Variants in PCNX2 observed in about 807,000 individuals in gnomAD.
PCNX2 encodes the protein pecanex-like protein 2.
A neutral mutation model predicts 223.8 loss-of-function variants in PCNX2; 168 were observed. The observed-to-expected ratio is 0.75, with a 90% CI of 0.66 to 0.85. The LOEUF (loss-of-function observed/expected upper bound fraction) is 0.85. Among genes scored for constraint, PCNX2 ranks in the 40% least tolerant of loss-of-function variants. The pLI, the probability that PCNX2 is intolerant of heterozygous loss-of-function variation, is 0.00. For synonymous variants in PCNX2, 1,006 were observed against 1,052.6 expected (o/e 0.96, Z 0.86); for missense variants, 2,507 against 2,675.5 (o/e 0.94, Z 1.39).
the PCNX2 span, among the ~76,000 whole-genome samples, chr1:233,303,139 C>A: frequency 6.6e-6 from 1 of 151,960 alleles, no homozygotes; most frequent in African/African-American, 2.4e-5. Flanking sequence ...ACACAATGGA[C>A]CATATTCTTT....
chr1:232,999,394 G>C lies in PCNX2; in HGVS notation c.5329-15C>G, dbSNP rs1353786254. ...TCTTTGTTAACCTGCAGGTCAGAGA[G>C]GGAACGGGAAGAAAGGCAGAAGGCC... On this transcript the variant is annotated splice_polypyrimidine_tract_variant and intron_variant, in intron 30 of 33. Coordinates refer to ENST00000258229, the MANE Select transcript of PCNX2 (RefSeq NM_014801.4). 1.3e-6 allele frequency: 2 copies of C among 1,576,684 alleles called. No homozygotes were observed. Among genetic ancestry groups the C allele is most frequent in the African/African-American group, 2.7e-5 (2 of 73,992 alleles).
chr1:233,139,973 CG>C lies in PCNX2; in HGVS notation c.3518-119del. The C allele has an allele frequency of 2.4e-6, 3 of 1,271,778 alleles. No individual in the cohort carries two copies. In the East Asian group the frequency reaches 7.5e-5, roughly 32 times the overall value. The allele number at this position is 1,271,778 out of a possible 1,614,324, so 78.8% of individuals were successfully genotyped here. ...ATTCAAAAGCTGCTAATTAAGAACTCGTGATACTAGACATGATATACCATTT... is the reference window on the plus strand; with the variant it reads ...ATTCAAAAGCTGCTAATTAAGAACTCTGATACTAGACATGATATACCATTT... On this transcript the variant is annotated intron_variant, in intron 19 of 33. Coordinates refer to ENST00000258229, the MANE Select transcript of PCNX2 (RefSeq NM_014801.4). This position sits in a 1 kb window ranked among gnomAD's most constrained non-coding sequence, Gnocchi z 4.4.
rs760790085 is a variant in PCNX2 at position 232,998,387 on chromosome 1, G to A, written c.5655C>T (p.Asp1885=). Residue 1885 remains aspartate, a synonymous_variant, in exon 32 of 34, where the codon GAC becomes GAT. Coordinates refer to ENST00000258229, the MANE Select transcript of PCNX2 (RefSeq NM_014801.4). ...ARQHSGGNIE[D]VDGGGAPTTG... ...TCGTCGGGGCCCCTCCTCCGTCCAC[G>A]TCTTCAATGTTGCCGCCACTGTGCT... 2.7e-5 allele frequency: 43 copies of A among 1,612,722 alleles called. No homozygotes were observed. Among genetic ancestry groups the A allele is most frequent in the East Asian group, 1.1e-4 (5 of 44,830 alleles).
chr1:233,035,915 T>C lies in PCNX2; in HGVS notation c.4352-10516A>G, dbSNP rs148748284. 2.9e-3 allele frequency among the ~76,000 whole-genome samples: 443 copies of C among 152,266 alleles called. 3 individuals carry two copies. Among genetic ancestry groups the C allele is most frequent in the African/African-American group, 0.01 (422 of 41,544 alleles). ...CCCTTCTGATATCCTCCTGCATGTA[T>C]AGTGGTAGAGATATTAACAGGAGGA... On this transcript the variant is annotated intron_variant, in intron 25 of 33. Coordinates refer to ENST00000258229, the MANE Select transcript of PCNX2 (RefSeq NM_014801.4).
At chr1:233,020,920 A>G (rs1670867356) in intron 26 of PCNX2, among the ~76,000 whole-genome samples, 1 of 152,204 alleles carries the variant, frequency 6.6e-6, no homozygotes, top group African/African-American at 2.4e-5. Context: ...CTTCCTTTTC[A>G]ATTTGCCTTT....
In PCNX2 at chr1:233,167,967, G is replaced by C. The variant is rs577560135; in HGVS notation, c.3274-6604C>G. The C allele has an allele frequency of 1.4e-5, 5 of 347,830 alleles. No homozygotes were observed. In the South Asian group the frequency reaches 5.8e-4, roughly 40 times the overall value. The allele number at this position is 347,830 out of a possible 1,614,324, so 21.5% of individuals were successfully genotyped here. ...TATAAAAAGAGAATTTACTGGTACT[G>C]CCCTCTTCCTTCACGTTTGAAGGTT... On this transcript the variant is annotated intron_variant, in intron 17 of 33. Coordinates refer to ENST00000258229, the MANE Select transcript of PCNX2 (RefSeq NM_014801.4).
intron 22 of PCNX2, among the ~76,000 whole-genome samples, chr1:233,091,458 G>T (rs1673867153): frequency 1.3e-5 from 2 of 151,912 alleles, no homozygotes; most frequent in Non-Finnish European, 1.5e-5. Context: ...TGATAAAGGG[G>T]TGGGGGTGGA....
At chr1:233,262,001 C>T (rs1236593068) in intron 3 of PCNX2, 44 bp downstream of exon 3, 4 of 1,610,030 alleles carry the variant, frequency 2.5e-6, no homozygotes, top group Admixed American at 1.7e-5. Context: ...AGATCAACAT[C>T]GAAATCACAT....
intron 11 of PCNX2, 22 bp downstream of exon 11, chr1:233,218,009 T>C: frequency 3.1e-6 from 5 of 1,611,936 alleles, no homozygotes; most frequent in Non-Finnish European, 3.4e-6. Context: ...ACGCTACTGG[T>C]AAGAATTAGA....
At chr1:233,134,584 G>A (rs937111034) in intron 21 of PCNX2, among the ~76,000 whole-genome samples, 3 of 151,878 alleles carry the variant, frequency 2.0e-5, no homozygotes, top group African/African-American at 4.8e-5. Context: ...GCAGAGAGGC[G>A]GGAAGGCAGG....
In PCNX2 at chr1:233,156,775, G is replaced by A. The variant is rs377644169; in HGVS notation, c.3517+3508C>T. Among the ~76,000 whole-genome samples, 26 of 152,122 alleles carry A rather than the reference G, an allele frequency of 1.7e-4. 1 individual carries two copies. In the South Asian group the frequency reaches 3.5e-3, roughly 21 times the overall value. ...TCTACTAAAAATACAAAAATTAGCCGGGTGTGGTGGCGGGCACCTGTAATC... is the reference window on the plus strand; with the variant it reads ...TCTACTAAAAATACAAAAATTAGCCAGGTGTGGTGGCGGGCACCTGTAATC... On this transcript the variant is annotated intron_variant, in intron 19 of 33. Coordinates refer to ENST00000258229, the MANE Select transcript of PCNX2 (RefSeq NM_014801.4).
chr1:233,054,873 T>C (rs1283441824), intron 24 of PCNX2, among the ~76,000 whole-genome samples: 1 of 152,200 alleles, frequency 6.6e-6, no homozygotes, highest in African/African-American at 2.4e-5. Flanking sequence ...TTCAGGTTTA[T>C]TGAAGAATAA....
chr1:233,251,936 T>C (rs1401304747), intron 7 of PCNX2, among the ~76,000 whole-genome samples: 4 of 152,254 alleles, frequency 2.6e-5, no homozygotes, highest in African/African-American at 9.6e-5. Flanking sequence ...GTCCAACAAA[T>C]ATTTAGTAAG....
At chr1:233,151,908 C>T (rs1378843964) in intron 19 of PCNX2, among the ~76,000 whole-genome samples, 1 of 152,198 alleles carries the variant, frequency 6.6e-6, no homozygotes, top group Non-Finnish European at 1.5e-5. Context: ...TTAATGCTAG[C>T]CCAGTTTTGC....
At chr1:233,116,741 C>G (rs955920122) in intron 21 of PCNX2, among the ~76,000 whole-genome samples, 1 of 151,520 alleles carries the variant, frequency 6.6e-6, no homozygotes, top group Non-Finnish European at 1.5e-5. Flanking sequence ...CCTCAAGAGC[C>G]CCCCCAAAAA....
chr1:233,218,471 T>C (rs376977066), intron 10 of PCNX2, among the ~76,000 whole-genome samples: 56 of 152,100 alleles, frequency 3.7e-4, no homozygotes, highest in South Asian at 1.2e-3. Flanking sequence ...AGGATGGTCT[T>C]GATCTCCTGA....
chr1:233,031,230 C>T (rs1457370016), intron 25 of PCNX2, among the ~76,000 whole-genome samples: 3 of 152,110 alleles, frequency 2.0e-5, no homozygotes, highest in Non-Finnish European at 4.4e-5. Flanking sequence ...CACTCATGGC[C>T]AAAAGAATGT....
chr1:233,022,768 G>GC (rs573111675), intron 26 of PCNX2, among the ~76,000 whole-genome samples: 230 of 149,988 alleles, frequency 1.5e-3, no homozygotes, highest in African/African-American at 5.4e-3. Flanking sequence ...TGCGATCTTG[G>GC]CTCACTGCAA....
chr1:233,010,496 C>A (rs1388409311), intron 28 of PCNX2, among the ~76,000 whole-genome samples: 1 of 152,210 alleles, frequency 6.6e-6, no homozygotes, highest in Non-Finnish European at 1.5e-5. Context: ...CTTCTCCTAA[C>A]CTCGAAGGAT....
Sources: allele counts gnomAD v4.1 joint callset (sites outside exome capture counted in the v4.1 genomes callset), GRCh38; gene constraint gnomAD v4.1.1; non-coding constraint Gnocchi (gnomAD v3.1); transcripts MANE v1.5; gene names NCBI Gene and HGNC (gene_info 2026-07-23, HGNC 2026-07-21).